Variants in CWF19L2 observed in about 807,000 individuals in gnomAD.
CWF19L2 encodes CWF19 like cell cycle control factor 2, also known as CWF19-like protein 2.
A neutral mutation model predicts 111.7 loss-of-function variants in CWF19L2; 98 were observed. The ratio of observed to expected loss-of-function variants is 0.88; its 90% CI spans 0.75 to 1.04. The LOEUF is 1.04. Ranked by LOEUF, CWF19L2 falls within the 50% of genes least tolerant of loss-of-function variation. The pLI is 0.00. For synonymous variants in CWF19L2, 351 were observed against 342.9 expected (o/e 1.02, Z -0.26); for missense variants, 1,101 against 1,051.4 (o/e 1.05, Z -0.65).
intron 12 of CWF19L2, among the ~76,000 whole-genome samples, chr11:107,379,750 C>G (rs190518162): frequency 2.0e-3 from 304 of 152,238 alleles, no homozygotes; most frequent in Middle Eastern, 0.014. Flanking sequence ...TACAAATTAA[C>G]TGTCATTTTA....
At chr11:107,330,260 C>T (rs1323832560) in intron 16 of CWF19L2, among the ~76,000 whole-genome samples, 2 of 152,164 alleles carry the variant, frequency 1.3e-5, no homozygotes, top group Admixed American at 6.6e-5. Flanking sequence ...TCAAAACCAA[C>T]TATTTTGCTG....
chr11:107,442,747 GA>G, intron 4 of CWF19L2, among the ~76,000 whole-genome samples, 191 bp downstream of exon 4: 1 of 22,108 alleles, frequency 4.5e-5, no homozygotes, highest in Non-Finnish European at 9.2e-5. Flanking sequence ...AGGAAGGAAG[GA>G]AGGAAGGAAG....
intron 7 of CWF19L2, among the ~76,000 whole-genome samples, chr11:107,431,626 A>T (rs1339654306): frequency 1.3e-5 from 2 of 152,156 alleles, no homozygotes; most frequent in Non-Finnish European, 2.9e-5. Context: ...AAGCAAAGCT[A>T]ATTTTTTTGG....
intron 13 of CWF19L2, among the ~76,000 whole-genome samples, chr11:107,350,146 C>T (rs1258124287): frequency 1.3e-5 from 2 of 151,966 alleles, no homozygotes; most frequent in African/African-American, 2.4e-5. Context: ...TTAGAACACA[C>T]AAAAAAGCAA....
At chr11:107,378,612 T>C (rs1011530826) in intron 12 of CWF19L2, among the ~76,000 whole-genome samples, 1 of 152,016 alleles carries the variant, frequency 6.6e-6, no homozygotes, top group Non-Finnish European at 1.5e-5. Flanking sequence ...TTCTGGGGAC[T>C]GTTGTGGGGT....
chr11:107,364,250 A>T (rs1167376037), intron 12 of CWF19L2, among the ~76,000 whole-genome samples: 1 of 144,476 alleles, frequency 6.9e-6, no homozygotes, highest in Non-Finnish European at 1.5e-5. Flanking sequence ...CACTGTCAAC[A>T]TTAGACAGAT....
intron 10 of CWF19L2, among the ~76,000 whole-genome samples, chr11:107,402,472 T>C (rs1454577332): frequency 6.6e-6 from 1 of 150,566 alleles, no homozygotes; most frequent in Non-Finnish European, 1.5e-5. Context: ...AACAAACATA[T>C]GAAAAAATGC....
rs1174462717 is a variant in CWF19L2, at chr11:107,429,383, T to C, written c.849A>G (p.Arg283=). Residue 283 remains arginine, a synonymous_variant, in exon 8 of 18, where the codon AGA becomes AGG. Transcript: ENST00000282251. ...ATGTGGGTTTCCTCCACCGTTCCCGTCTATAATCTTCTTTCGTGGATGCAG... is the reference window on the plus strand; with the variant it reads ...ATGTGGGTTTCCTCCACCGTTCCCGCCTATAATCTTCTTTCGTGGATGCAG... ...EKAASTKEDY[R]RERWRKPTYS... is the part of the protein sequence containing the mutation. The C allele has an allele frequency of 6.3e-7, 1 of 1,585,384 alleles. No individual in the cohort carries two copies.
rs570038798 is a variant in CWF19L2 at position 107,424,092 on chromosome 11, CAT to C, written c.1433+4705_1433+4706del. ...AGGGGATCACCAATATTCTGGGAAT[CAT>C]ATGTCAAAAAAATACTGGCATTAAG... On this transcript the variant is annotated intron_variant, in intron 8 of 17. Coordinates refer to ENST00000282251, the MANE Select transcript of CWF19L2 (RefSeq NM_152434.3). 2.1e-4 allele frequency among the ~76,000 whole-genome samples: 32 copies of C among 151,736 alleles called. No individual in the cohort carries two copies. In the East Asian group the frequency reaches 6.0e-3, roughly 28 times the overall value.
rs150552396 is a variant in CWF19L2, at chr11:107,372,628, A to T, written c.1872+17446T>A. ...CTAGGGACTAAAGGATGAGATGCAC[A>T]TTTTGAACAAAAAAATTATTCTGGT... On this transcript the variant is annotated intron_variant, in intron 12 of 17. Transcript: ENST00000282251. Among the ~76,000 whole-genome samples the T allele has an allele frequency of 9.1e-4, 124 of 136,856 alleles. 17 individuals are homozygous for T. Among genetic ancestry groups the T allele is most frequent in the Admixed American group, 2.5e-3 (35 of 14,054 alleles). The allele number at this position is 136,856 out of a possible 152,430, so 89.8% of individuals were successfully genotyped here.
chr11:107,332,026 T>C (rs146007600), intron 16 of CWF19L2, among the ~76,000 whole-genome samples: 418 of 152,318 alleles, frequency 2.7e-3, no homozygotes, highest in African/African-American at 9.2e-3. Flanking sequence ...AGCAAAACTT[T>C]TTATTTATGG....
chr11:107,418,413 G>C, intron 8 of CWF19L2, 126 bp from the exon 9 acceptor site: 1 of 656,764 alleles, frequency 1.5e-6, no homozygotes, highest in Non-Finnish European at 2.8e-6. Flanking sequence ...GATCATGATT[G>C]TAATACATGT....
chr11:107,407,087 C>T (rs1041491155), intron 10 of CWF19L2, among the ~76,000 whole-genome samples: 2 of 151,944 alleles, frequency 1.3e-5, no homozygotes, highest in Admixed American at 6.6e-5. Context: ...TTTCACTCAA[C>T]TAATTTTTTC....
intron 12 of CWF19L2, among the ~76,000 whole-genome samples, chr11:107,354,683 T>C (rs1591158424): frequency 6.6e-6 from 1 of 152,338 alleles, no homozygotes; most frequent in Admixed American, 6.5e-5. Context: ...TTTATGTATA[T>C]TGAACTATCA....
At chr11:107,328,642 GA>G (rs1859798608) in intron 17 of CWF19L2, among the ~76,000 whole-genome samples, 1 of 152,118 alleles carries the variant, frequency 6.6e-6, no homozygotes. Context: ...AATATGTGAA[GA>G]AAGGGCAATC....
chr11:107,359,937 C>T (rs1000313976), intron 12 of CWF19L2, among the ~76,000 whole-genome samples: 3 of 152,182 alleles, frequency 2.0e-5, no homozygotes, highest in African/African-American at 7.2e-5. Flanking sequence ...GACTACACAA[C>T]GGAGGTAAGA....
intron 3 of CWF19L2, among the ~76,000 whole-genome samples, chr11:107,443,445 T>G (rs563188746): frequency 1.3e-5 from 2 of 151,952 alleles, no homozygotes; most frequent in East Asian, 1.9e-4. Flanking sequence ...ATCACACCAC[T>G]GCACTCCAAC....
Position 107,455,730 on chromosome 11 carries a change from C to T in CWF19L2, c.152G>A (p.Arg51Gln), listed in dbSNP as rs1218867135. The change falls in exon 2 of 18, where the codon CGA becomes CAA. Residue 51 changes from arginine to glutamine, a missense_variant. Physicochemically the swap from Arg to Gln is conservative, Grantham distance 43. Transcript: ENST00000282251. ...EKEERRKELK[R>Q]LRGEDTWMLP... is the part of the protein sequence containing the mutation. ...CATCCATGTATCCTCACCCCGAAGTCGCTTAAGTTCTTTACGCCTTTCTTC... is the reference window on the plus strand; with the variant it reads ...CATCCATGTATCCTCACCCCGAAGTTGCTTAAGTTCTTTACGCCTTTCTTC... 10 of 1,551,186 alleles carry T rather than the reference C, an allele frequency of 6.4e-6. No homozygotes were observed. The highest frequency in any genetic ancestry group is 7.8e-6 in the Non-Finnish European group (9 of 1,146,758).
intron 16 of CWF19L2, among the ~76,000 whole-genome samples, chr11:107,334,538 A>G (rs775446400): frequency 1.3e-5 from 2 of 152,224 alleles, no homozygotes; most frequent in East Asian, 1.9e-4. Context: ...GCAGAACAAT[A>G]TATTTCAGGA....
Sources: allele counts gnomAD v4.1 joint callset (sites outside exome capture counted in the v4.1 genomes callset), GRCh38; gene constraint gnomAD v4.1.1; transcripts MANE v1.5; gene names NCBI Gene and HGNC (gene_info 2026-07-23, HGNC 2026-07-21).